The following CEP295NL variants were observed in gnomAD, a reference collection of about 807,000 sequenced individuals.
The protein encoded by CEP295NL is protein DDC8 homolog.
Under a neutral mutation model 4.6 loss-of-function variants are expected in CEP295NL, and 3 were observed. The observed-to-expected ratio is 0.65, with a 90% CI of 0.30 to 1.69. CEP295NL has a LOEUF of 1.69. CEP295NL is among the 40% of genes most tolerant of loss of function. The pLI is 0.10. For synonymous variants in CEP295NL, 295 were observed against 312.2 expected, an observed-to-expected ratio of 0.94 and a Z score of 0.58; for missense variants, 719 against 769.0, an observed-to-expected ratio of 0.93 and a Z score of 0.77.
chr17:78,893,145 A>T (rs1030143961), intron 2 of CEP295NL, among the ~76,000 whole-genome samples: 1 of 115,186 alleles, frequency 8.7e-6, no homozygotes, highest in South Asian at 3.0e-4. Flanking sequence ...GTGTGTGCGT[A>T]CATGTGTGTG....
chr17:78,900,634 C>T (rs887064817), intron 2 of CEP295NL, among the ~76,000 whole-genome samples: 2 of 152,150 alleles, frequency 1.3e-5, no homozygotes. Context: ...TGAGCTTTCA[C>T]ACCTGACCTT....
chr17:78,900,925 C>T (rs1046034228), intron 2 of CEP295NL: 2 of 152,302 alleles, frequency 1.3e-5, no homozygotes, highest in African/African-American at 4.8e-5. Context: ...AGAAACGCCT[C>T]TAACATGCGA....
At chr17:78,895,291 A>G (rs2069981182) in intron 2 of CEP295NL, among the ~76,000 whole-genome samples, 1 of 152,190 alleles carries the variant, frequency 6.6e-6, no homozygotes, top group Non-Finnish European at 1.5e-5. Flanking sequence ...AAAAATAAAT[A>G]AATAAAAATA....
In CEP295NL at chr17:78,892,241, T is replaced by C; in HGVS notation, c.263A>G (p.Lys88Arg). The part of the protein sequence containing the change: ...KKHKLLQARG[K>R]GDLALQRRAD... Reference sequence around the variant, plus strand: ...TCTTCTCTGCAGAGCGAGATCGCCTTTGCCCCGGGCTTGTAGCAATTTGTG... The same window carrying C: ...TCTTCTCTGCAGAGCGAGATCGCCTCTGCCCCGGGCTTGTAGCAATTTGTG... Residue 88 changes from lysine to arginine, a missense_variant, in exon 3 of 3, where the codon AAA becomes AGA. Coordinates refer to ENST00000322630, the MANE Select transcript of CEP295NL (RefSeq NM_001243540.2). 1 of 1,550,996 alleles carries C rather than the reference T, an allele frequency of 6.4e-7. No homozygotes were observed. The highest frequency in any genetic ancestry group is 8.7e-7 in the Non-Finnish European group (1 of 1,147,086).
chr17:78,896,236 G>T lies in CEP295NL; in HGVS notation c.45-3777C>A, dbSNP rs993036850. 3.9e-4 allele frequency among the ~76,000 whole-genome samples: 59 copies of T among 152,206 alleles called. No homozygotes were observed. The highest frequency in any genetic ancestry group is 1.3e-4 in the Non-Finnish European group (9 of 68,044). On this transcript the variant is annotated intron_variant, in intron 2 of 2. Coordinates refer to ENST00000322630, the MANE Select transcript of CEP295NL (RefSeq NM_001243540.2). This position sits in a 1 kb window ranked among gnomAD's most constrained non-coding sequence, Gnocchi z 4.4. The stretch of plus-strand genomic sequence containing the variant: ...AGAGGGCAGGGTCTCACGTGGACTT[G>T]TGCAGGCACTGGCAGGGAAAGCAAC...
intron 2 of CEP295NL, chr17:78,897,307 C>T (rs980530706): frequency 1.3e-5 from 2 of 152,414 alleles, no homozygotes; most frequent in Non-Finnish European, 2.9e-5. Flanking sequence ...TCTCGTCTGC[C>T]TCACGCTGCC....
At chr17:78,902,072 C>T in intron 1 of CEP295NL, 146 bp from the exon 2 acceptor site, 1 of 504,822 alleles carries the variant, frequency 2.0e-6, no homozygotes, top group Non-Finnish European at 3.5e-6. Context: ...CTCCCCAACT[C>T]TTAGCCACGT....
At position 78,901,919 on chromosome 17, in the gene CEP295NL, G is replaced by A. The variant is rs183928007; in HGVS notation, c.-91C>T. ...GGGCTGACTTTGTAGGTAGTGAGAC[G>A]CCCATCACTGGAGGCATCCGAACCA... On this transcript the variant is annotated 5_prime_UTR_variant, in exon 2 of 3. Coordinates refer to ENST00000322630, the MANE Select transcript of CEP295NL (RefSeq NM_001243540.2). The A allele has an allele frequency of 3.0e-3, 1,880 of 619,446 alleles. 18 individuals are homozygous for A. The highest frequency in any genetic ancestry group is 0.018 in the South Asian group (943 of 53,398). The allele number at this position is 619,446 out of a possible 1,614,324, so 38.4% of individuals were successfully genotyped here.
intron 2 of CEP295NL, chr17:78,900,964 C>T (rs1180392265): frequency 3.3e-5 from 5 of 152,408 alleles, no homozygotes; most frequent in Admixed American, 3.3e-4. Context: ...CCAGCCCGAC[C>T]TCACCTGGCC....
rs978770019 is a variant in CEP295NL, at chr17:78,890,831, G to A, written c.1673C>T (p.Thr558Met). ...TCCTCTCTCCCTTTCCTGGGCTCTCGTGGAGGAGGACTTCAGATGGGCCAG... is the reference window on the plus strand; with the variant it reads ...TCCTCTCTCCCTTTCCTGGGCTCTCATGGAGGAGGACTTCAGATGGGCCAG... ...ARLAHLKSSS[T>M]RAQERERGSE... is the part of the protein sequence containing the mutation. Residue 558 changes from threonine (T) to methionine (M), a missense_variant, in exon 3 of 3, where the codon ACG becomes ATG. By Grantham distance (81) the Thr-to-Met change is moderately conservative (BLOSUM62 -1). Transcript: ENST00000322630. 43 of 1,550,472 alleles carry A rather than the reference G, an allele frequency of 2.8e-5. No homozygotes were observed. The highest frequency in any genetic ancestry group is 2.3e-4 in the African/African-American group (17 of 73,006).
chr17:78,892,285 G>A lies in CEP295NL; in HGVS notation c.219C>T (p.Asp73=), dbSNP rs2069912438. The A allele has an allele frequency of 1.3e-6, 2 of 1,550,744 alleles. No individual in the cohort carries two copies. The highest frequency in any genetic ancestry group is 2.7e-5 in the African/African-American group (2 of 73,176). Residue 73 remains aspartate, a synonymous_variant, in exon 3 of 3, where the codon GAC becomes GAT. Transcript: ENST00000322630. ...ATTTGTGCTTTTTCCTCCAAAGCAGGTCTTCGTTATCAGGACAGAGGCTCA... is the reference window on the plus strand; with the variant it reads ...ATTTGTGCTTTTTCCTCCAAAGCAGATCTTCGTTATCAGGACAGAGGCTCA... ...MWLSLCPDNE[D]LLWRKKHKLL...
intron 1 of CEP295NL, 74 bp from the exon 2 acceptor site, chr17:78,902,000 G>A (rs978154013): frequency 1.9e-5 from 11 of 581,028 alleles, no homozygotes; most frequent in Non-Finnish European, 3.1e-5. Context: ...CTGAGTTCTA[G>A]CCTCTAAAAA....
At chr17:78,899,032 C>T (rs1172918165) in intron 2 of CEP295NL, 1 of 152,058 alleles carries the variant, frequency 6.6e-6, no homozygotes, top group African/African-American at 2.4e-5. Context: ...GCCCCCGCAC[C>T]CGCCAGACTC....
chr17:78,897,045 C>G (rs1447178725), intron 2 of CEP295NL: 1 of 974,984 alleles, frequency 1.0e-6, no homozygotes, highest in East Asian at 1.1e-4. Flanking sequence ...AGACCTCACC[C>G]AGGGACCCTC....
chr17:78,902,057 C>T, intron 1 of CEP295NL, 131 bp from the exon 2 acceptor site: 2 of 513,542 alleles, frequency 3.9e-6, no homozygotes, highest in Non-Finnish European at 6.9e-6. Flanking sequence ...GGTTTTCGCC[C>T]TCTTCTCCCC....
chr17:78,891,578 C>G lies in CEP295NL; in HGVS notation c.926G>C (p.Gly309Ala). The stretch of plus-strand genomic sequence containing the variant: ...GCTGGAATCAGCTGGCCACAGCTGC[C>G]CGAGGTCTCTCAGCTTCCCCTCCAG... ...QSLEGKLRDL[G>A]QLWPADSSCR... is the part of the protein sequence containing the mutation. Residue 309 changes from glycine (G) to alanine (A), a missense_variant, in exon 3 of 3, where the codon GGG (glycine) becomes GCG (alanine). Transcript: ENST00000322630. This position sits in a 1 kb window ranked among gnomAD's most constrained non-coding sequence, Gnocchi z 4.5. 1 of 1,550,900 alleles carries G rather than the reference C, an allele frequency of 6.4e-7. No homozygotes were observed. Among genetic ancestry groups the G allele is most frequent in the South Asian group, 1.2e-5 (1 of 84,066 alleles).
Position 78,897,174 on chromosome 17 carries a change from G to A in CEP295NL, c.44+4611C>T, listed in dbSNP as rs3744789. On this transcript the variant is annotated intron_variant, in intron 2 of 2. Coordinates refer to ENST00000322630, the MANE Select transcript of CEP295NL (RefSeq NM_001243540.2). ...GCTGTGCACTCCTGTGGCATCGGGGGGCGGGGGGCAAGCATCACAGTCATA... is the reference window on the plus strand; with the variant it reads ...GCTGTGCACTCCTGTGGCATCGGGGAGCGGGGGGCAAGCATCACAGTCATA... The A allele has an allele frequency of 1.7e-3, 316 of 189,988 alleles. 8 individuals carry two copies. In the East Asian group the frequency reaches 0.053, roughly 32 times the overall value. 11.8% of individuals were successfully genotyped at this position (189,988 alleles called of 1,614,324 possible). A position where few individuals can be genotyped will look rare whatever the true frequency, so the allele number is the denominator to read the frequency against.
Position 78,891,294 on chromosome 17 carries a change from C to A in CEP295NL, c.1210G>T (p.Gly404Trp). ...KMADPEMLPA[G>W]EPRSPAEEEA... ...TCCTCTGCTGGGCTCCTGGGTTCCC[C>A]GGCAGGCAGCATCTCTGGGTCTGCC... The change falls in exon 3 of 3, where the codon GGG becomes TGG. Residue 404 changes from glycine to tryptophan, a missense_variant. By Grantham distance (184) the Gly-to-Trp change is radical (BLOSUM62 -2). Coordinates refer to ENST00000322630, the MANE Select transcript of CEP295NL (RefSeq NM_001243540.2). This position sits in a 1 kb window ranked among gnomAD's most constrained non-coding sequence, Gnocchi z 4.5. The A allele has an allele frequency of 6.4e-7, 1 of 1,550,526 alleles. No homozygotes were observed. The highest frequency in any genetic ancestry group is 2.4e-5 in the East Asian group (1 of 40,926).
At chr17:78,899,081 C>G (rs1025829301) in intron 2 of CEP295NL, 3 of 151,910 alleles carry the variant, frequency 2.0e-5, no homozygotes, top group African/African-American at 4.8e-5. Flanking sequence ...TGTGAGCCCC[C>G]ACGCCCGCCA....
Sources: allele counts gnomAD v4.1 joint callset (sites outside exome capture counted in the v4.1 genomes callset), GRCh38; gene constraint gnomAD v4.1.1; non-coding constraint Gnocchi (gnomAD v3.1); transcripts MANE v1.5; gene names NCBI Gene and HGNC (gene_info 2026-07-23, HGNC 2026-07-21).